The following HDAC7 variants were observed in gnomAD, a reference collection of about 807,000 sequenced individuals.
The protein encoded by HDAC7 is histone deacetylase 7A.
Under a neutral mutation model 115.5 loss-of-function variants are expected in HDAC7, and 26 were observed. The ratio of observed to expected loss-of-function variants is 0.23; its 90% CI spans 0.16 to 0.31. The LOEUF (loss-of-function observed/expected upper bound fraction) is 0.31, where lower values mean the gene tolerates loss of function less well. HDAC7 is among the 10% of genes least tolerant of loss of function. HDAC7 has a pLI of 1.00. For synonymous variants in HDAC7, 564 were observed against 550.9 expected (o/e 1.02, Z -0.33); for missense variants, 1,068 against 1,329.0 (o/e 0.80, Z 3.05).
intron 25 of HDAC7, 56 bp downstream of exon 25, chr12:47,784,023 G>A: frequency 1.8e-5 from 29 of 1,605,472 alleles, no homozygotes; most frequent in East Asian, 2.2e-5. Flanking sequence ...TCTTCAAGCA[G>A]GGAGGAATGA....
In HDAC7 at chr12:47,783,815, G is replaced by C; in HGVS notation, c.*26C>G. On this transcript the variant is annotated 3_prime_UTR_variant, in exon 26 of 26. Coordinates refer to ENST00000080059, the MANE Select transcript of HDAC7 (RefSeq NM_015401.5). ...AAGAGAACCAGGTCCCAAGGGCATG[G>C]TGGGCGGGCAGATGGTTCCAGAGCC... The C allele has an allele frequency of 1.2e-6, 2 of 1,607,770 alleles. No individual in the cohort carries two copies. The highest frequency in any genetic ancestry group is 8.5e-7 in the Non-Finnish European group (1 of 1,177,662).
At chr12:47,785,358 C>A in intron 24 of HDAC7, 29 bp downstream of exon 24, 1 of 1,573,234 alleles carries the variant, frequency 6.4e-7, no homozygotes, top group Admixed American at 1.8e-5. Context: ...TCAGTCTGAG[C>A]TCAGCGAGTG....
chr12:47,793,659 TG>T lies in HDAC7; in HGVS notation c.1459-72del. Reference sequence around the variant, plus strand: ...CTCCCTCTACTTCTGCCTGAGGTCTTGGGAACTGCCAAGCAGGCCCCTTTCC... The same window carrying T: ...CTCCCTCTACTTCTGCCTGAGGTCTTGGAACTGCCAAGCAGGCCCCTTTCC... On this transcript the variant is annotated intron_variant, in intron 12 of 25. Transcript: ENST00000080059. This position sits in a 1 kb window ranked among gnomAD's most constrained non-coding sequence, Gnocchi z 4.5. The T allele has an allele frequency of 1.6e-6, 2 of 1,224,816 alleles. No individual in the cohort carries two copies. The highest frequency in any genetic ancestry group is 1.1e-6 in the Non-Finnish European group (1 of 894,718). 75.9% of individuals were successfully genotyped at this position (1,224,816 alleles called of 1,614,324 possible).
rs568728323 is a variant in HDAC7 at position 47,785,945 on chromosome 12, AC to A, written c.2573-61del. On this transcript the variant is annotated intron_variant, in intron 22 of 25. Transcript: ENST00000080059. ...GAGTGGAGAGGTGACCCTGTTCTCT[AC>A]CCCTGTGGCTTCCCTGCTTGCTTCC... The A allele has an allele frequency of 6.5e-5, 96 of 1,475,504 alleles. No homozygotes were observed. In the East Asian group the frequency reaches 1.6e-3, roughly 25 times the overall value. 91.4% of individuals were successfully genotyped at this position (1,475,504 alleles called of 1,614,324 possible).
Position 47,795,589 on chromosome 12 carries a change from G to A in HDAC7, c.1085C>T (p.Thr362Ile). Residue 362 changes from threonine to isoleucine, a missense_variant and splice_region_variant, in exon 10 of 26, where the codon ACT becomes ATT. Thr to Ile is a moderately conservative substitution (Grantham distance 89, BLOSUM62 -1). Coordinates refer to ENST00000080059, the MANE Select transcript of HDAC7 (RefSeq NM_015401.5). This position sits in a 1 kb window ranked among gnomAD's most constrained non-coding sequence, Gnocchi z 4.3. ...CCCTGAAGAAGCAGCAGACTCACCAGTCAGCAGCGGGGCATGAGAGCCTGA... is the reference window on the plus strand; with the variant it reads ...CCCTGAAGAAGCAGCAGACTCACCAATCAGCAGCGGGGCATGAGAGCCTGA... ...DPSGSHAPLL[T>I]VPGLGPLPFH... The A allele has an allele frequency of 1.9e-6, 3 of 1,559,300 alleles. No homozygotes were observed. Among genetic ancestry groups the A allele is most frequent in the Non-Finnish European group, 2.6e-6 (3 of 1,151,946 alleles).
rs1035020778 is a variant in HDAC7, at chr12:47,814,825, CCTT to C, written c.19+4939_19+4941del. On this transcript the variant is annotated intron_variant, in intron 1 of 25. Coordinates refer to ENST00000080059, the MANE Select transcript of HDAC7 (RefSeq NM_015401.5). ...GAGGTGGGAGACGGCATCAATGTCACCTTCTTAGGCAGTCCTCCCCTGGCCACC... is the reference window on the plus strand; with the variant it reads ...GAGGTGGGAGACGGCATCAATGTCACCTTAGGCAGTCCTCCCCTGGCCACC... 7.9e-5 allele frequency among the ~76,000 whole-genome samples: 12 copies of C among 152,358 alleles called. 1 individual carries two copies. The East Asian group carries it at 2.3e-3, about 29-fold the overall frequency.
At chr12:47,785,627 C>T in intron 23 of HDAC7, 125 bp downstream of exon 23, 1 of 1,395,680 alleles carries the variant, frequency 7.2e-7, no homozygotes, top group Non-Finnish European at 9.6e-7. Flanking sequence ...TTCCGCTTCG[C>T]CTACCTTGTT....
In HDAC7 at chr12:47,796,258, G is replaced by A. The variant is rs1303011647; in HGVS notation, c.744C>T (p.Cys248=). The A allele has an allele frequency of 6.3e-7, 1 of 1,599,352 alleles. No homozygotes were observed. The highest frequency in any genetic ancestry group is 1.8e-5 in the Admixed American group (1 of 55,066). The stretch of plus-strand genomic sequence containing the variant: ...CGTGCTCGCTGTCATTGGGGGAGCT[G>A]CACCCTGATGCGGGCGTGCTGCTAC... ...PSSSSTPASG[C]SSPNDSEHGP... is the part of the protein sequence containing the mutation. The change falls in exon 8 of 26, where the codon TGC becomes TGT. Residue 248 remains cysteine (C), a synonymous_variant. Transcript: ENST00000080059.
intron 1 of HDAC7, among the ~76,000 whole-genome samples, chr12:47,812,395 A>G (rs1292407889): frequency 6.6e-6 from 1 of 152,232 alleles, no homozygotes. Flanking sequence ...TTCAAAAAAT[A>G]TGAACAATAA....
rs1943657926 is a variant in HDAC7 at position 47,793,722 on chromosome 12, A to G, written c.1459-134T>C. 4.4e-6 allele frequency: 3 copies of G among 686,982 alleles called. No individual in the cohort carries two copies. The highest frequency in any genetic ancestry group is 7.0e-6 in the Non-Finnish European group (3 of 428,910). The allele number at this position is 686,982 out of a possible 1,614,324, so 42.6% of individuals were successfully genotyped here. A position where few individuals can be genotyped will look rare whatever the true frequency, so the allele number is the denominator to read the frequency against. ...CAGGATAAACCTAGACCTGCTGTCC[A>G]GTGGGGCTCTGGCCTTTGACTCTCT... On this transcript the variant is annotated intron_variant, in intron 12 of 25. Transcript: ENST00000080059. The surrounding 1 kb of genome is among the most constrained non-coding windows in gnomAD (Gnocchi z 4.5).
intron 1 of HDAC7, among the ~76,000 whole-genome samples, chr12:47,805,152 C>T (rs1005262098): frequency 4.0e-5 from 6 of 151,586 alleles, no homozygotes; most frequent in Non-Finnish European, 7.4e-5. Flanking sequence ...CTCACTGCAG[C>T]GTTGACCTCC....
At chr12:47,799,112 CT>C (rs1191453718) in intron 2 of HDAC7, 140 bp from the exon 3 acceptor site, 1 of 608,286 alleles carries the variant, frequency 1.6e-6, no homozygotes, top group Non-Finnish European at 2.8e-6. Flanking sequence ...TCACTTAATC[CT>C]GTCGTGGTCC....
At chr12:47,784,024 G>T in intron 25 of HDAC7, 55 bp downstream of exon 25, 1 of 1,605,488 alleles carries the variant, frequency 6.2e-7, no homozygotes, top group Non-Finnish European at 8.5e-7. Context: ...CTTCAAGCAG[G>T]GAGGAATGAA....
chr12:47,808,735 C>T lies in HDAC7; in HGVS notation c.20-6461G>A, dbSNP rs79823150. On this transcript the variant is annotated intron_variant, in intron 1 of 25. Coordinates refer to ENST00000080059, the MANE Select transcript of HDAC7 (RefSeq NM_015401.5). ...AGGCCTGGAGGGCCTGCATCTACTT[C>T]CTATTACCCATGGCCTTCAGCTTAT... Among the ~76,000 whole-genome samples the T allele has an allele frequency of 5.6e-3, 855 of 152,334 alleles. 7 individuals carry two copies. The highest frequency in any genetic ancestry group is 0.019 in the African/African-American group (782 of 41,566).
intron 1 of HDAC7, among the ~76,000 whole-genome samples, chr12:47,818,945 T>C (rs1259116443): frequency 1.3e-5 from 2 of 152,170 alleles, no homozygotes; most frequent in Admixed American, 6.5e-5. Flanking sequence ...CCCACAGGCC[T>C]AGAAACTCTG....
upstream of HDAC7, chr12:47,820,524 C>G (rs1944991068): frequency 6.6e-6 from 1 of 152,414 alleles, no homozygotes; most frequent in African/African-American, 2.4e-5. The surrounding 1 kb of genome is among the most constrained non-coding windows in gnomAD (Gnocchi z 4.3). Flanking sequence ...ACTGCCCAGC[C>G]CTCCCCCACT....
At position 47,797,212 on chromosome 12, in the gene HDAC7, C is replaced by A; in HGVS notation, c.578-70G>T. ...TTTTCCACCCTTTAACCCCTCAGTCCCAGTCATCTCTATCGGTCAAGGAAA... is the reference window on the plus strand; with the variant it reads ...TTTTCCACCCTTTAACCCCTCAGTCACAGTCATCTCTATCGGTCAAGGAAA... On this transcript the variant is annotated intron_variant, in intron 6 of 25. Transcript: ENST00000080059. The surrounding 1 kb of genome is among the most constrained non-coding windows in gnomAD (Gnocchi z 5.5). 6.4e-7 allele frequency: 1 copy of A among 1,561,646 alleles called. No individual in the cohort carries two copies. The highest frequency in any genetic ancestry group is 1.2e-5 in the South Asian group (1 of 82,526).
In HDAC7 at chr12:47,784,117, T is replaced by C; in HGVS notation, c.2892A>G (p.Ala964=). Residue 964 remains alanine, a synonymous_variant, in exon 25 of 26, where the codon GCA becomes GCG. Transcript: ENST00000080059. Reference sequence around the variant, plus strand: ...GGATGCCCACAGAGAGGGACGCCAGTGCGGTCACTGCCTCCACTTCTTCTT... The same window carrying C: ...GGATGCCCACAGAGAGGGACGCCAGCGCGGTCACTGCCTCCACTTCTTCTT... ...ADKEEVEAVT[A]LASLSVGILA... 1 of 1,613,768 alleles carries C rather than the reference T, an allele frequency of 6.2e-7. No individual in the cohort carries two copies. The highest frequency in any genetic ancestry group is 8.5e-7 in the Non-Finnish European group (1 of 1,179,930).
chr12:47,790,047 C>T, intron 16 of HDAC7, 127 bp from the exon 17 acceptor site: 1 of 674,050 alleles, frequency 1.5e-6, no homozygotes, highest in Non-Finnish European at 2.6e-6. Flanking sequence ...GTGCTGCCTC[C>T]CCAGTGCCCC....
Sources: allele counts gnomAD v4.1 joint callset (sites outside exome capture counted in the v4.1 genomes callset), GRCh38; gene constraint gnomAD v4.1.1; non-coding constraint Gnocchi (gnomAD v3.1); transcripts MANE v1.5; gene names NCBI Gene and HGNC (gene_info 2026-07-23, HGNC 2026-07-21).